The following XKR9 variants were observed in gnomAD, a reference collection of about 807,000 sequenced individuals.
The protein encoded by XKR9 is XK-related protein 9.
Under a neutral mutation model 32.0 loss-of-function variants are expected in XKR9, and 32 were observed. The ratio of observed to expected loss-of-function variants is 1.00; its 90% CI spans 0.76 to 1.34. The LOEUF (loss-of-function observed/expected upper bound fraction) is 1.34. Ranked by LOEUF, XKR9 falls within the 40% of genes most tolerant of loss-of-function variation. The probability of loss-of-function intolerance (pLI) is 0.00; values close to 1 mark genes in which losing one functional copy is unlikely to be tolerated. For missense variants in XKR9, 546 were observed against 429.7 expected (o/e 1.27, Z -2.39); for synonymous variants, 168 against 143.4 (o/e 1.17, Z -1.22).
At chr8:71,007,352 A>G in the XKR9 span, among the ~76,000 whole-genome samples, 4 of 152,188 alleles carry the variant, frequency 2.6e-5, no homozygotes, top group African/African-American at 9.7e-5. Flanking sequence ...CTGGTGTGGG[A>G]TGAGCCCCCT....
At chr8:70,708,263 A>G (rs1805790031) in intron 4 of XKR9, among the ~76,000 whole-genome samples, 1 of 152,044 alleles carries the variant, frequency 6.6e-6, no homozygotes, top group African/African-American at 2.4e-5. Context: ...AGAGGTACAA[A>G]ATTTAGATCT....
the XKR9 span, among the ~76,000 whole-genome samples, chr8:70,805,718 C>T: frequency 6.6e-6 from 1 of 152,204 alleles, no homozygotes; most frequent in African/African-American, 2.4e-5. Context: ...ACTCCAATAA[C>T]TCCAGCCAGA....
intron 2 of XKR9, among the ~76,000 whole-genome samples, chr8:70,757,793 G>T (rs1807249714): frequency 6.6e-6 from 1 of 152,160 alleles, no homozygotes; most frequent in East Asian, 1.9e-4. Flanking sequence ...CGCCATGTTG[G>T]TCAGGCTGGT....
chr8:70,850,024 G>A, the XKR9 span, among the ~76,000 whole-genome samples: 12 of 151,472 alleles, frequency 7.9e-5, no homozygotes, highest in African/African-American at 2.9e-4. Context: ...ATTCACAACC[G>A]AATTCTACCA....
At chr8:70,797,007 C>T in the XKR9 span, among the ~76,000 whole-genome samples, 1 of 152,110 alleles carries the variant, frequency 6.6e-6, no homozygotes, top group Admixed American at 6.5e-5. Flanking sequence ...CCTGTGACCC[C>T]AGTTAGCACC....
At chr8:70,984,960 G>A in the XKR9 span, among the ~76,000 whole-genome samples, 1 of 152,072 alleles carries the variant, frequency 6.6e-6, no homozygotes, top group African/African-American at 2.4e-5. Context: ...TTATATGTTA[G>A]ACTTTTCTCA....
the XKR9 span, among the ~76,000 whole-genome samples, chr8:70,919,808 C>T: frequency 2.6e-5 from 4 of 152,180 alleles, no homozygotes; most frequent in African/African-American, 7.2e-5. Context: ...GCACCCAGCA[C>T]GCAGGAAAGG....
chr8:70,979,337 A>G, the XKR9 span, among the ~76,000 whole-genome samples: 3 of 152,230 alleles, frequency 2.0e-5, no homozygotes, highest in Admixed American at 6.5e-5. Flanking sequence ...TAGAATTTTC[A>G]GCTTTTCTGC....
intron 2 of XKR9, among the ~76,000 whole-genome samples, chr8:70,677,049 C>T (rs1398236231): frequency 6.6e-6 from 1 of 151,900 alleles, no homozygotes; most frequent in Non-Finnish European, 1.5e-5. Context: ...GTGTTTTAGT[C>T]AAGTTTTATT....
In XKR9 at chr8:70,778,933, C is replaced by T. The variant is rs547597842; in HGVS notation, n.353-10406C>T. ...ACTTCCTTTTTTCCTAATGGAATAC[C>T]CTTTATTTCTCTTTCTTGTCTGACT... On this transcript the variant is annotated intron_variant and non_coding_transcript_variant, in intron 2 of 3. Transcript: ENST00000520273. 2.0e-3 allele frequency among the ~76,000 whole-genome samples: 310 copies of T among 152,166 alleles called. 2 individuals carry two copies. Among genetic ancestry groups the T allele is most frequent in the African/African-American group, 7.3e-3 (302 of 41,536 alleles).
At chr8:70,723,212 G>T (rs1341193024) in intron 4 of XKR9, among the ~76,000 whole-genome samples, 1 of 152,062 alleles carries the variant, frequency 6.6e-6, no homozygotes, top group African/African-American at 2.4e-5. Context: ...CTGTTATCAA[G>T]GTTCTTAGCT....
chr8:70,834,575 C>A, the XKR9 span, among the ~76,000 whole-genome samples: 1 of 151,996 alleles, frequency 6.6e-6, no homozygotes, highest in Non-Finnish European at 1.5e-5. Context: ...AAAAATATAT[C>A]TTATTAGTCT....
chr8:70,868,672 G>C, the XKR9 span, among the ~76,000 whole-genome samples: 6 of 152,248 alleles, frequency 3.9e-5, no homozygotes, highest in South Asian at 1.2e-3. Context: ...CCTCTGACAT[G>C]CCCTGGAGAC....
the XKR9 span, among the ~76,000 whole-genome samples, chr8:70,880,382 TCAGCCCC>T: frequency 1.3e-5 from 2 of 152,198 alleles, no homozygotes; most frequent in African/African-American, 4.8e-5. Flanking sequence ...CCCCATCATC[TCAGCCCC>T]AAATCTCCTT....
chr8:70,904,317 A>C, the XKR9 span, among the ~76,000 whole-genome samples: 1 of 152,272 alleles, frequency 6.6e-6, no homozygotes, highest in East Asian at 1.9e-4. Flanking sequence ...GGGTGCATGT[A>C]TATTTGGGAT....
At chr8:70,812,645 A>C in the XKR9 span, among the ~76,000 whole-genome samples, 1 of 152,202 alleles carries the variant, frequency 6.6e-6, no homozygotes, top group Non-Finnish European at 1.5e-5. Context: ...TTATACACCA[A>C]TAACAGACAA....
the XKR9 span, among the ~76,000 whole-genome samples, chr8:71,042,991 T>G: frequency 1.3e-5 from 2 of 152,206 alleles, no homozygotes; most frequent in South Asian, 4.1e-4. Context: ...TCTGATAAGC[T>G]GTGTCTGTCT....
At chr8:70,846,226 G>A in the XKR9 span, among the ~76,000 whole-genome samples, 3 of 152,058 alleles carry the variant, frequency 2.0e-5, no homozygotes, top group East Asian at 1.9e-4. Flanking sequence ...AAATGAAGGC[G>A]AAAGAAAGTC....
downstream of XKR9, among the ~76,000 whole-genome samples, chr8:70,738,409 T>C (rs1586876349): frequency 6.7e-6 from 1 of 148,968 alleles, no homozygotes; most frequent in South Asian, 2.1e-4. Flanking sequence ...GTTGATCCTT[T>C]CAAAAAATCA....
Sources: allele counts gnomAD v4.1 joint callset (sites outside exome capture counted in the v4.1 genomes callset), GRCh38; gene constraint gnomAD v4.1.1; transcripts MANE v1.5; gene names NCBI Gene and HGNC (gene_info 2026-07-23, HGNC 2026-07-21).